The following CNTN5 variants were observed in gnomAD, a reference collection of about 807,000 sequenced individuals.
The protein encoded by CNTN5 is contactin 5, also known as contactin-5.
In CNTN5, 77 loss-of-function variants were observed where a neutral mutation model predicts 129.1. That is an observed-to-expected ratio of 0.60 (90% CI 0.50 to 0.72). CNTN5 has a LOEUF of 0.72. Ranked by LOEUF, CNTN5 falls within the 30% of genes least tolerant of loss-of-function variation. The probability of loss-of-function intolerance (pLI) is 0.00; values close to 1 mark genes in which losing one functional copy is unlikely to be tolerated. For synonymous variants in CNTN5, 509 were observed against 465.6 expected (o/e 1.09, Z -1.20); for missense variants, 1,478 against 1,328.8 (o/e 1.11, Z -1.75).
chr11:99,755,656 C>T (rs1404356072), intron 3 of CNTN5, among the ~76,000 whole-genome samples: 1 of 151,730 alleles, frequency 6.6e-6, no homozygotes, highest in Non-Finnish European at 1.5e-5. Context: ...TTCTTCCAGT[C>T]TGTGGTTTAT....
At chr11:99,602,241 A>G (rs922819481) in intron 3 of CNTN5, among the ~76,000 whole-genome samples, 1 of 152,092 alleles carries the variant, frequency 6.6e-6, no homozygotes, top group African/African-American at 2.4e-5. Context: ...ATAATTTTGT[A>G]TATTAACTTC....
At chr11:99,996,798 G>A (rs1016984251) in intron 8 of CNTN5, among the ~76,000 whole-genome samples, 3 of 152,092 alleles carry the variant, frequency 2.0e-5, no homozygotes, top group African/African-American at 7.2e-5. Flanking sequence ...GGCAGCAGGA[G>A]AGAGAGAGGG....
intron 13 of CNTN5, among the ~76,000 whole-genome samples, chr11:100,166,486 C>T (rs1947640443): frequency 6.6e-6 from 1 of 151,716 alleles, no homozygotes; most frequent in African/African-American, 2.4e-5. Context: ...GGCATCCTAA[C>T]TGTATATGGC....
At chr11:100,036,477 C>T (rs1217119292) in intron 9 of CNTN5, among the ~76,000 whole-genome samples, 22 of 149,954 alleles carry the variant, frequency 1.5e-4, no homozygotes, top group Non-Finnish European at 2.2e-4. Flanking sequence ...ATATGAACTT[C>T]AAAGTAGTTT....
At chr11:100,111,758 C>A (rs183789793) in intron 13 of CNTN5, among the ~76,000 whole-genome samples, 2 of 152,040 alleles carry the variant, frequency 1.3e-5, no homozygotes, top group South Asian at 2.1e-4. Context: ...TCATCTTAAC[C>A]GAAATTTTAT....
At chr11:99,289,284 G>A (rs1033991439) in intron 1 of CNTN5, among the ~76,000 whole-genome samples, 1 of 151,570 alleles carries the variant, frequency 6.6e-6, no homozygotes, top group East Asian at 1.9e-4. Flanking sequence ...TTTTATTGAA[G>A]CCATTTAAAT....
intron 2 of CNTN5, among the ~76,000 whole-genome samples, chr11:99,402,651 A>G (rs1283660824): frequency 2.0e-5 from 3 of 152,092 alleles, no homozygotes; most frequent in South Asian, 4.1e-4. Flanking sequence ...TAGGATTGGT[A>G]TTAGTTCTTT....
At chr11:99,179,495 C>CA (rs1159838815) in intron 1 of CNTN5, among the ~76,000 whole-genome samples, 1 of 151,642 alleles carries the variant, frequency 6.6e-6, no homozygotes, top group Non-Finnish European at 1.5e-5. Flanking sequence ...TAAAAAACAA[C>CA]AAAAAAAGAA....
chr11:99,765,974 A>T (rs1278707632), intron 3 of CNTN5, among the ~76,000 whole-genome samples: 1 of 152,034 alleles, frequency 6.6e-6, no homozygotes. Flanking sequence ...TAGGCTTCTA[A>T]GTTTTTATTA....
chr11:99,977,373 C>T (rs554856226), intron 8 of CNTN5, among the ~76,000 whole-genome samples: 1 of 152,310 alleles, frequency 6.6e-6, no homozygotes, highest in Admixed American at 6.5e-5. Flanking sequence ...AAAGTCACTT[C>T]CACGTTTTCA....
intron 17 of CNTN5, among the ~76,000 whole-genome samples, chr11:100,261,067 C>T (rs546598195): frequency 7.9e-5 from 12 of 152,250 alleles, no homozygotes; most frequent in African/African-American, 2.6e-4. Flanking sequence ...AGCCCAAAAC[C>T]TCCTTAAGCT....
At chr11:99,493,599 G>T (rs910453620) in intron 2 of CNTN5, among the ~76,000 whole-genome samples, 3 of 152,060 alleles carry the variant, frequency 2.0e-5, no homozygotes, top group Non-Finnish European at 1.5e-5. Flanking sequence ...AACAAATTCC[G>T]GTTCTAGTGC....
At chr11:100,187,293 T>C (rs1028294156) in intron 13 of CNTN5, among the ~76,000 whole-genome samples, 2 of 152,086 alleles carry the variant, frequency 1.3e-5, no homozygotes, top group South Asian at 2.1e-4. Context: ...TTGGCAGTCT[T>C]TAGGGTTTTC....
intron 3 of CNTN5, among the ~76,000 whole-genome samples, chr11:99,591,337 CTT>C (rs10633238): frequency 1.8e-5 from 2 of 113,090 alleles, no homozygotes; most frequent in Non-Finnish European, 1.7e-5. Context: ...TCAACAAAAC[CTT>C]TTTTTTTTTT....
intron 9 of CNTN5, among the ~76,000 whole-genome samples, chr11:100,014,564 A>G (rs1315794531): frequency 6.6e-6 from 1 of 152,078 alleles, no homozygotes; most frequent in Non-Finnish European, 1.5e-5. Context: ...CTGTCTAAAG[A>G]GTGAGACTCC....
intron 1 of CNTN5, among the ~76,000 whole-genome samples, chr11:99,080,704 G>T (rs1425787439): frequency 6.6e-6 from 1 of 152,296 alleles, no homozygotes; most frequent in African/African-American, 2.4e-5. Context: ...CACACAGGGA[G>T]GCAGCACAAA....
chr11:99,976,067 A>C (rs937119214), intron 8 of CNTN5, among the ~76,000 whole-genome samples: 1 of 152,218 alleles, frequency 6.6e-6, no homozygotes, highest in Non-Finnish European at 1.5e-5. Context: ...AACTGGTCAT[A>C]ACCAAGGGGC....
intron 17 of CNTN5, among the ~76,000 whole-genome samples, chr11:100,268,949 G>A (rs1204977795): frequency 6.6e-6 from 1 of 152,140 alleles, no homozygotes; most frequent in Non-Finnish European, 1.5e-5. Flanking sequence ...GAACATATGA[G>A]TCTGAAATCT....
intron 3 of CNTN5, among the ~76,000 whole-genome samples, chr11:99,648,393 C>G (rs926887306): frequency 2.4e-4 from 37 of 151,504 alleles, no homozygotes; most frequent in African/African-American, 8.9e-4. Context: ...GTTACAATGA[C>G]TATTATCAAA....
Sources: allele counts gnomAD v4.1 joint callset (sites outside exome capture counted in the v4.1 genomes callset), GRCh38; gene constraint gnomAD v4.1.1; transcripts MANE v1.5; gene names NCBI Gene and HGNC (gene_info 2026-07-23, HGNC 2026-07-21).